ZNF880: variants seen among roughly 807,000 people sequenced by gnomAD.
The protein encoded by ZNF880 is zinc finger protein LOC400713.
ZNF880 carries 12 observed loss-of-function variants against 11.8 expected under a neutral mutation model. The observed-to-expected ratio is 1.02, with a 90% CI of 0.65 to 1.65. ZNF880 has a LOEUF of 1.65. Among genes scored for constraint, ZNF880 ranks in the 40% most tolerant of loss-of-function variants. ZNF880 has a pLI of 0.00. For missense variants in ZNF880, 601 were observed against 673.9 expected, an observed-to-expected ratio of 0.89 and a Z score of 1.20; for synonymous variants, 210 against 232.4, an observed-to-expected ratio of 0.90 and a Z score of 0.88.
chr19:52,367,588 A>T (rs1476797045), upstream of ZNF880: 1 of 113,858 alleles, frequency 8.8e-6, no homozygotes, highest in Non-Finnish European at 1.8e-5. Context: ...GAGACATAAA[A>T]CAACATACGC....
At chr19:52,390,464 G>A (rs1467408853), downstream of ZNF880, 11 of 258,098 alleles carry the variant, frequency 4.3e-5, no homozygotes, top group Admixed American at 4.5e-4. Context: ...TCCTGATATC[G>A]AGTGTGGGGA....
intron 1 of ZNF880, among the ~76,000 whole-genome samples, chr19:52,371,349 G>GT (rs903241318): frequency 3.7e-4 from 54 of 146,570 alleles, no homozygotes; most frequent in African/African-American, 4.5e-4. Flanking sequence ...ATTGTTTGAT[G>GT]TTTTTTTTTT....
upstream of ZNF880, among the ~76,000 whole-genome samples, chr19:52,369,649 C>T (rs1409021184): frequency 2.0e-5 from 3 of 152,210 alleles, no homozygotes; most frequent in South Asian, 4.1e-4. Flanking sequence ...AAGCGATCCT[C>T]CCACCTCAGC....
chr19:52,369,898 C>A, upstream of ZNF880: 1 of 1,548,844 alleles, frequency 6.5e-7, no homozygotes, highest in Non-Finnish European at 8.7e-7. Context: ...GGCCTGGCCT[C>A]GCCTCGCCTC....
chr19:52,390,144 G>A (rs114856497), downstream of ZNF880: 3,249 of 167,260 alleles, frequency 0.019, 122 homozygotes, highest in African/African-American at 0.073. Context: ...CGTGTCCCCC[G>A]TGCTTCTGCC....
chr19:52,370,687 C>T (rs1410153875), intron 1 of ZNF880: 2 of 152,206 alleles, frequency 1.3e-5, no homozygotes, highest in Non-Finnish European at 1.5e-5. Context: ...TATGTTTTTA[C>T]ATGGTCTGAC....
At chr19:52,382,737 G>A (rs1228110830) in intron 3 of ZNF880, among the ~76,000 whole-genome samples, 3 of 152,194 alleles carry the variant, frequency 2.0e-5, no homozygotes, top group Non-Finnish European at 4.4e-5. Flanking sequence ...GATAATTTCT[G>A]TATAGTATGT....
the ZNF880 span, among the ~76,000 whole-genome samples, chr19:52,395,210 C>T: frequency 5.3e-5 from 8 of 152,152 alleles, no homozygotes; most frequent in African/African-American, 1.9e-4. Flanking sequence ...CCACACCCAG[C>T]CTGTCACTTT....
chr19:52,392,277 C>T, the ZNF880 span, among the ~76,000 whole-genome samples: 1 of 136,000 alleles, frequency 7.4e-6, no homozygotes, highest in Non-Finnish European at 1.6e-5. Context: ...CTCTTTCTCT[C>T]TTTCCTTCCT....
intron 1 of ZNF880, among the ~76,000 whole-genome samples, chr19:52,371,769 A>C (rs1252133205): frequency 1.3e-5 from 2 of 152,124 alleles, no homozygotes; most frequent in African/African-American, 4.8e-5. Flanking sequence ...AGTTTCTTAG[A>C]ATGTCTGAGA....
intron 1 of ZNF880, among the ~76,000 whole-genome samples, chr19:52,372,639 T>C (rs1007982268): frequency 4.8e-4 from 71 of 146,806 alleles, no homozygotes; most frequent in South Asian, 9.6e-4. Context: ...CAGTGGCTCA[T>C]GCCTGTAATC....
At position 52,385,117 on chromosome 19, in the gene ZNF880, A is replaced by C; in HGVS notation, c.1537A>C (p.Ile513Leu). Residue 513 changes from isoleucine (I) to leucine (L), a missense_variant, in exon 4 of 4, where the codon ATT (isoleucine) becomes CTT (leucine). Around this residue, in one of 3 missense-constraint regions of ZNF880, gnomAD observed 177 missense variants for 214.5 expected, o/e 0.83. Coordinates refer to ENST00000422689, the MANE Select transcript of ZNF880 (RefSeq NM_001145434.2). ...HNSHLARHRQ[I>L]HTGEKSYKCN... Reference sequence around the variant, plus strand: ...TTCACACCTTGCACGACATAGGCAAATTCATACTGGAGAGAAGTCTTACAA... The same window carrying C: ...TTCACACCTTGCACGACATAGGCAACTTCATACTGGAGAGAAGTCTTACAA... 1 of 1,556,990 alleles carries C rather than the reference A, an allele frequency of 6.4e-7. No individual in the cohort carries two copies. The highest frequency in any genetic ancestry group is 8.7e-7 in the Non-Finnish European group (1 of 1,150,166).
chr19:52,383,826 C>G, intron 3 of ZNF880, 23 bp from the exon 4 acceptor site: 2 of 1,502,410 alleles, frequency 1.3e-6, no homozygotes, highest in African/African-American at 2.8e-5. Flanking sequence ...GGTTGAAGTT[C>G]CACTTTTTTC....
chr19:52,380,970 T>C (rs897103308), intron 3 of ZNF880, among the ~76,000 whole-genome samples: 2 of 152,020 alleles, frequency 1.3e-5, no homozygotes, highest in Non-Finnish European at 2.9e-5. Flanking sequence ...GAGCCACTGC[T>C]CCCAACCAGA....
At position 52,373,070 on chromosome 19, in the gene ZNF880, T is replaced by G; in HGVS notation, c.13-41T>G. On this transcript the variant is annotated intron_variant, in intron 1 of 3. Transcript: ENST00000422689. ...CAGTCCTTACAACTGTCTCCTCATT[T>G]TGTGTGATATCCTGTTGGTGAAATG... The G allele has an allele frequency of 1.2e-6, 2 of 1,607,794 alleles. 1 individual carries two copies. The highest frequency in any genetic ancestry group is 2.2e-5 in the South Asian group (2 of 91,008).
Position 52,374,369 on chromosome 19 carries a change from T to A in ZNF880, c.210T>A (p.Ser70Arg). 7 of 1,613,014 alleles carry A rather than the reference T, an allele frequency of 4.3e-6. No homozygotes were observed. Among genetic ancestry groups the A allele is most frequent in the Non-Finnish European group, 5.9e-6 (7 of 1,179,634 alleles). The change falls in exon 3 of 4, where the codon AGT becomes AGA. Residue 70 changes from serine (S) to arginine (R), a missense_variant. By Grantham distance (110) the Ser-to-Arg change is moderately radical (BLOSUM62 -1). This residue lies in a region of ZNF880 where 420 missense variants were observed against 442.6 expected (regional missense o/e 0.95). Coordinates refer to ENST00000422689, the MANE Select transcript of ZNF880 (RefSeq NM_001145434.2). ...EQRRDPRNLQ[S>R]EVKIANNPGG... The stretch of plus-strand genomic sequence containing the variant: ...GGAGAGATCCCCGGAATCTGCAGAG[T>A]GAAGTGAAAATAGCAAACAATCCAG...
intron 3 of ZNF880, among the ~76,000 whole-genome samples, chr19:52,375,739 C>A (rs1279627727): frequency 2.0e-5 from 3 of 151,846 alleles, no homozygotes; most frequent in Admixed American, 6.6e-5. Context: ...TGAGAACATA[C>A]AATGTTTGGT....
At chr19:52,389,248 A>G (rs982471479), downstream of ZNF880, 2 of 152,182 alleles carry the variant, frequency 1.3e-5, no homozygotes, top group African/African-American at 2.4e-5. Flanking sequence ...CATTAACTCA[A>G]AAGTCCACAG....
At chr19:52,388,723 G>A (rs1986963361), downstream of ZNF880, 2 of 152,158 alleles carry the variant, frequency 1.3e-5, no homozygotes, top group Admixed American at 1.3e-4. Flanking sequence ...TCTGGGGAAA[G>A]CAGGATGGAC....
Sources: allele counts gnomAD v4.1 joint callset (sites outside exome capture counted in the v4.1 genomes callset), GRCh38; gene constraint gnomAD v4.1.1; regional missense constraint gnomAD v4.1.1; transcripts MANE v1.5; gene names NCBI Gene and HGNC (gene_info 2026-07-23, HGNC 2026-07-21).